Variants in ANKRD26 observed in about 807,000 individuals in gnomAD.
ANKRD26 encodes ankyrin repeat domain-containing protein 26.
A neutral mutation model predicts 208.7 loss-of-function variants in ANKRD26; 141 were observed. The ratio of observed to expected loss-of-function variants is 0.68; its 90% CI spans 0.59 to 0.78. The LOEUF (loss-of-function observed/expected upper bound fraction) is 0.78. Ranked by LOEUF, ANKRD26 falls within the 30% of genes least tolerant of loss-of-function variation. ANKRD26 has a pLI of 0.00. For synonymous variants in ANKRD26, 636 were observed against 660.4 expected (o/e 0.96, Z 0.57); for missense variants, 1,889 against 1,938.7 (o/e 0.97, Z 0.48).
the ANKRD26 span, among the ~76,000 whole-genome samples, chr10:26,963,902 G>GTTTTTTTTTTTTTTTT: frequency 6.0e-5 from 4 of 66,976 alleles, 1 homozygote; most frequent in East Asian, 9.7e-4. Context: ...ATGGTTGGTT[G>GTTTTTTTTTTTTTTTT]GTTTTTTTTT....
rs1481057563 is a variant in ANKRD26 at position 27,024,550 on chromosome 10, C to T, written c.3982G>A (p.Glu1328Lys). The change falls in exon 28 of 34, where the codon GAA (glutamate) becomes AAA (lysine). Residue 1328 changes from glutamate to lysine, a missense_variant. Physicochemically the swap from Glu to Lys is moderately conservative, Grantham distance 56. Coordinates refer to ENST00000376087, the MANE Select transcript of ANKRD26 (RefSeq NM_014915.3). The part of the protein sequence containing the change: ...NLLNANLSED[E>K]KEQLKKLMEL... Reference sequence around the variant, plus strand: ...ATAAGTTTCTTTAATTGTTCCTTTTCATCTTCAGACTTTGAAACAAAATAT... The same window carrying T: ...ATAAGTTTCTTTAATTGTTCCTTTTTATCTTCAGACTTTGAAACAAAATAT... The T allele has an allele frequency of 6.5e-7, 1 of 1,534,790 alleles. No individual in the cohort carries two copies. The highest frequency in any genetic ancestry group is 1.4e-5 in the African/African-American group (1 of 73,272).
intron 3 of ANKRD26, among the ~76,000 whole-genome samples, chr10:26,985,236 T>G (rs556669002): frequency 6.6e-6 from 1 of 152,224 alleles, no homozygotes; most frequent in African/African-American, 2.4e-5. Context: ...TGGGTTATCT[T>G]TGGGAGAGAG....
chr10:27,071,092 C>G (rs1379369184), intron 9 of ANKRD26, among the ~76,000 whole-genome samples: 1 of 150,604 alleles, frequency 6.6e-6, no homozygotes, highest in Non-Finnish European at 1.5e-5. Flanking sequence ...GTGTCCATTA[C>G]ATACAGATAT....
At chr10:27,025,298 G>A (rs575542083) in intron 27 of ANKRD26, among the ~76,000 whole-genome samples, 72 of 152,180 alleles carry the variant, frequency 4.7e-4, no homozygotes, top group African/African-American at 1.6e-3. Flanking sequence ...AGCCTCCTCA[G>A]TAGCTAGGAT....
At chr10:26,952,000 ATC>A in the ANKRD26 span, among the ~76,000 whole-genome samples, 3 of 151,502 alleles carry the variant, frequency 2.0e-5, no homozygotes, top group Non-Finnish European at 2.9e-5. Context: ...ATCTCTGTTT[ATC>A]TCTTTTGCAG....
intron 1 of ANKRD26, among the ~76,000 whole-genome samples, chr10:27,097,855 G>T (rs1326619572): frequency 1.3e-5 from 2 of 152,054 alleles, no homozygotes; most frequent in Non-Finnish European, 2.9e-5. Context: ...GTTTCACTAC[G>T]TTGGCCAGGA....
intron 1 of ANKRD26, among the ~76,000 whole-genome samples, chr10:27,097,429 T>C (rs1292952472): frequency 6.6e-6 from 1 of 151,806 alleles, no homozygotes; most frequent in Admixed American, 6.6e-5. Context: ...GCCACTGCAC[T>C]CCAGCCTGGG....
intron 1 of ANKRD26, 81 bp downstream of exon 1, chr10:27,100,004 T>C: frequency 1.2e-6 from 2 of 1,601,906 alleles, no homozygotes; most frequent in South Asian, 2.2e-5. Context: ...ATCCAGGCCC[T>C]GGGTGGCTCC....
intron 3 of ANKRD26, among the ~76,000 whole-genome samples, chr10:26,983,990 C>T (rs2052347396): frequency 6.6e-6 from 1 of 152,158 alleles, no homozygotes; most frequent in South Asian, 2.1e-4. Context: ...TTTTTGGAAT[C>T]TGTGTGTATA....
intron 1 of ANKRD26, among the ~76,000 whole-genome samples, chr10:27,095,489 A>C (rs1031146393): frequency 1.3e-5 from 2 of 152,158 alleles, no homozygotes; most frequent in Non-Finnish European, 2.9e-5. Context: ...CCAACATGGT[A>C]AAACCCCATC....
At chr10:27,052,799 T>C (rs1389581960) in intron 16 of ANKRD26, among the ~76,000 whole-genome samples, 3 of 152,074 alleles carry the variant, frequency 2.0e-5, no homozygotes, top group Non-Finnish European at 2.9e-5. Context: ...TTTTCTGACC[T>C]CATTCTTTCC....
intron 11 of ANKRD26, 150 bp downstream of exon 11, chr10:27,066,337 T>C (rs1056771797): frequency 1.6e-5 from 8 of 513,078 alleles, no homozygotes; most frequent in Admixed American, 1.1e-4. Context: ...ACTTAGCACA[T>C]ACTTTATTAA....
intron 6 of ANKRD26, chr10:27,080,289 G>A (rs2055860344): frequency 6.6e-6 from 1 of 152,580 alleles, no homozygotes; most frequent in South Asian, 2.1e-4. Context: ...AAAAATGGCA[G>A]TCTTGGTTCT....
At chr10:26,984,752 T>C (rs1036489600) in intron 3 of ANKRD26, among the ~76,000 whole-genome samples, 7 of 152,138 alleles carry the variant, frequency 4.6e-5, no homozygotes, top group Admixed American at 6.5e-5. Flanking sequence ...AAGGGTATAG[T>C]TGATGTTTCA....
rs1275450082 is a variant in ANKRD26 at position 27,084,218 on chromosome 10, C to CAAA, written c.710-1388_710-1386dup. Among the ~76,000 whole-genome samples, 60 of 82,434 alleles carry CAAA rather than the reference C, an allele frequency of 7.3e-4. 1 individual carries two copies. Among genetic ancestry groups the CAAA allele is most frequent in the African/African-American group, 2.0e-3 (55 of 27,376 alleles). 54.1% of individuals were successfully genotyped at this position (82,434 alleles called of 152,430 possible). ...GGGCAACAAGAGCAAAACTACATCT[C>CAAA]AAAAAAAAAAAAAAAAAGAAAAAAG... is the stretch of plus-strand genomic sequence containing the variant. On this transcript the variant is annotated intron_variant, in intron 5 of 33. Coordinates refer to ENST00000376087, the MANE Select transcript of ANKRD26 (RefSeq NM_014915.3).
chr10:26,993,136 C>T (rs142770226), intron 5 of ANKRD26, among the ~76,000 whole-genome samples: 22 of 152,244 alleles, frequency 1.4e-4, no homozygotes, highest in East Asian at 5.8e-4. Context: ...GAATACAGAA[C>T]GTGTCCAGCA....
At chr10:27,054,796 T>A (rs1005597272) in intron 15 of ANKRD26, among the ~76,000 whole-genome samples, 1 of 152,034 alleles carries the variant, frequency 6.6e-6, no homozygotes, top group Non-Finnish European at 1.5e-5. Context: ...AGCAGTTGAG[T>A]AATCCCAGAG....
intron 5 of ANKRD26, among the ~76,000 whole-genome samples, chr10:27,084,980 T>A (rs2056062935): frequency 6.6e-6 from 1 of 151,902 alleles, no homozygotes; most frequent in Non-Finnish European, 1.5e-5. Context: ...GAGCGCAGAG[T>A]TGAGATATTT....
At chr10:27,057,735 G>A (rs1261317047) in intron 15 of ANKRD26, among the ~76,000 whole-genome samples, 4 of 152,038 alleles carry the variant, frequency 2.6e-5, no homozygotes, top group Non-Finnish European at 1.5e-5. Flanking sequence ...TCAAGAGATC[G>A]AGATCATCCT....
Sources: allele counts gnomAD v4.1 joint callset (sites outside exome capture counted in the v4.1 genomes callset), GRCh38; gene constraint gnomAD v4.1.1; transcripts MANE v1.5; gene names NCBI Gene and HGNC (gene_info 2026-07-23, HGNC 2026-07-21).